Variants in PRH1 observed in about 807,000 individuals in gnomAD.
The protein encoded by PRH1 is proline rich protein HaeIII subfamily 1.
In PRH1, 7 loss-of-function variants were observed where a neutral mutation model predicts 7.9. The ratio of observed to expected loss-of-function variants is 0.89; its 90% CI spans 0.50 to 1.67. The LOEUF (loss-of-function observed/expected upper bound fraction) is 1.67, where lower values mean the gene tolerates loss of function less well. Ranked by LOEUF, PRH1 falls within the 40% of genes most tolerant of loss-of-function variation. The probability of loss-of-function intolerance (pLI) is 0.00; values close to 1 mark genes in which losing one functional copy is unlikely to be tolerated. For missense variants in PRH1, 109 were observed against 223.6 expected (o/e 0.49, Z 3.27); for synonymous variants, 45 against 80.8 (o/e 0.56, Z 2.38).
At chr12:10,920,303 G>A (rs1439778400) in intron 2 of PRH1, among the ~76,000 whole-genome samples, 1 of 151,624 alleles carries the variant, frequency 6.6e-6, no homozygotes. Flanking sequence ...GGACTGTTTT[G>A]TCAATTTGAA....
At chr12:11,070,882 T>G (rs1431963083) in intron 1 of PRH1, among the ~76,000 whole-genome samples, 1 of 152,186 alleles carries the variant, frequency 6.6e-6, no homozygotes, top group Non-Finnish European at 1.5e-5. Context: ...ACCCAGGCTG[T>G]ATCTAGTACA....
chr12:11,092,074 C>G, intron 1 of PRH1: 7 of 1,550,562 alleles, frequency 4.5e-6, no homozygotes, highest in Non-Finnish European at 6.2e-6. Context: ...CTCTGGAGAC[C>G]GCCAGAGCAG....
At chr12:11,106,614 T>TA (rs1945425370) in intron 1 of PRH1, among the ~76,000 whole-genome samples, 1 of 152,224 alleles carries the variant, frequency 6.6e-6, no homozygotes, top group African/African-American at 2.4e-5. Context: ...TATTTTTCTC[T>TA]ATTTAATTTA....
chr12:10,923,664 C>G (rs1220513885), intron 2 of PRH1, among the ~76,000 whole-genome samples: 1 of 152,180 alleles, frequency 6.6e-6, no homozygotes, highest in Non-Finnish European at 1.5e-5. Context: ...CTATCACCAA[C>G]AAATGATAGG....
chr12:11,061,140 T>C (rs557550755), intron 1 of PRH1, among the ~76,000 whole-genome samples: 199 of 152,240 alleles, frequency 1.3e-3, no homozygotes, highest in Non-Finnish European at 2.3e-3. Context: ...AAAAAGAGTA[T>C]GTCACTGTCA....
At chr12:10,938,267 C>G (rs1950323182) in intron 2 of PRH1, 2 of 1,588,178 alleles carry the variant, frequency 1.3e-6, no homozygotes, top group Non-Finnish European at 1.7e-6. Context: ...AGATGATTCT[C>G]TAAATTCTTT....
chr12:11,038,185 T>C lies in PRH1; in HGVS notation c.-126+8835A>G, dbSNP rs1392753848. On this transcript the variant is annotated intron_variant, in intron 1 of 3. Coordinates refer to the PRH1 transcript ENST00000539853. The stretch of plus-strand genomic sequence containing the variant: ...CACCCTAATTTTATACTTAGAAATA[T>C]ACTTTATGTTTCTGCTTTTTTAACA... Among the ~76,000 whole-genome samples the C allele has an allele frequency of 3.9e-5, 6 of 152,282 alleles. No individual in the cohort carries two copies. In the South Asian group the frequency reaches 1.0e-3, roughly 26 times the overall value.
At chr12:11,050,885 C>T (rs531381105), upstream of PRH1, among the ~76,000 whole-genome samples, 1 of 152,246 alleles carries the variant, frequency 6.6e-6, no homozygotes, top group African/African-American at 2.4e-5. Context: ...GGTGAGTACA[C>T]TGTTCCCAGA....
At chr12:10,997,513 T>C (rs369715673) in intron 1 of PRH1, 2 of 1,613,808 alleles carry the variant, frequency 1.2e-6, no homozygotes, top group Non-Finnish European at 1.7e-6. Flanking sequence ...CCTTCCTTTT[T>C]AAGTGATGAA....
chr12:11,102,915 T>C (rs1273487226), intron 1 of PRH1, among the ~76,000 whole-genome samples: 1 of 152,162 alleles, frequency 6.6e-6, no homozygotes, highest in African/African-American at 2.4e-5. Flanking sequence ...AGAATACATT[T>C]ATGCAGCTAA....
intron 2 of PRH1, among the ~76,000 whole-genome samples, 162 bp downstream of exon 2, chr12:10,882,899 T>C (rs1380399768): frequency 6.6e-5 from 10 of 152,186 alleles, no homozygotes; most frequent in Non-Finnish European, 2.9e-5. Flanking sequence ...TCTTTACTCA[T>C]GGTCCCCAGA....
chr12:10,971,279 T>A (rs1938803072), intron 2 of PRH1, among the ~76,000 whole-genome samples: 1 of 152,212 alleles, frequency 6.6e-6, no homozygotes, highest in Admixed American at 6.5e-5. Context: ...TAAATTGCAA[T>A]GTATTAAAGA....
chr12:11,104,564 A>G (rs898640365), intron 1 of PRH1, among the ~76,000 whole-genome samples: 1 of 151,640 alleles, frequency 6.6e-6, no homozygotes, highest in Admixed American at 6.6e-5. Flanking sequence ...ATTCCACTGT[A>G]TAAGTATGCC....
chr12:11,139,221 T>C (rs1283487864), intron 1 of PRH1, among the ~76,000 whole-genome samples: 1 of 152,094 alleles, frequency 6.6e-6, no homozygotes, highest in Non-Finnish European at 1.5e-5. Context: ...TTGGGGAATA[T>C]AACATACAGA....
intron 2 of PRH1, among the ~76,000 whole-genome samples, chr12:10,915,748 T>G (rs1949963637): frequency 6.6e-6 from 1 of 152,216 alleles, no homozygotes; most frequent in Non-Finnish European, 1.5e-5. Flanking sequence ...AGCCAAACAT[T>G]TGATTGGTTA....
chr12:10,986,335 A>G, intron 1 of PRH1: 1 of 1,614,048 alleles, frequency 6.2e-7, no homozygotes, highest in Non-Finnish European at 8.5e-7. Flanking sequence ...ACAGTCAAAT[A>G]TGAAAGATGT....
intron 2 of PRH1, among the ~76,000 whole-genome samples, chr12:10,952,580 C>T (rs1937739751): frequency 6.6e-6 from 1 of 151,618 alleles, no homozygotes; most frequent in Admixed American, 6.6e-5. Flanking sequence ...CTATGAGAGA[C>T]AAAAAGAACA....
chr12:11,126,411 C>G (rs1246431923), intron 1 of PRH1, among the ~76,000 whole-genome samples: 1 of 152,070 alleles, frequency 6.6e-6, no homozygotes, highest in African/African-American at 2.4e-5. Context: ...CAAATTTGTT[C>G]ATTTTCCTTT....
At chr12:10,978,524 T>C (rs1438362256) in intron 1 of PRH1, among the ~76,000 whole-genome samples, 1 of 152,162 alleles carries the variant, frequency 6.6e-6, no homozygotes, top group Non-Finnish European at 1.5e-5. Flanking sequence ...GGCAAAGAGT[T>C]CATGACAAAG....
Sources: allele counts gnomAD v4.1 joint callset (sites outside exome capture counted in the v4.1 genomes callset), GRCh38; gene constraint gnomAD v4.1.1; transcripts MANE v1.5; gene names NCBI Gene and HGNC (gene_info 2026-07-23, HGNC 2026-07-21).